Variants in PFDN2 observed in about 807,000 individuals in gnomAD.
PFDN2 encodes prefoldin 2.
In PFDN2, 7 loss-of-function variants were observed where a neutral mutation model predicts 18.3. The ratio of observed to expected loss-of-function variants is 0.38; its 90% CI spans 0.22 to 0.72. The LOEUF is 0.72. Among genes scored for constraint, PFDN2 ranks in the 30% least tolerant of loss-of-function variants. The probability of loss-of-function intolerance (pLI) is 0.47; values close to 1 mark genes in which losing one functional copy is unlikely to be tolerated. For synonymous variants in PFDN2, 76 were observed against 75.0 expected, an observed-to-expected ratio of 1.01 and a Z score of -0.07; for missense variants, 181 against 199.1, an observed-to-expected ratio of 0.91 and a Z score of 0.55.
At chr1:161,105,062 TA>T (rs1011310529) in intron 1 of PFDN2, among the ~76,000 whole-genome samples, 9 of 151,724 alleles carry the variant, frequency 5.9e-5, no homozygotes, top group South Asian at 2.1e-4. Context: ...TAATTCCATC[TA>T]AAAAAAAATT....
chr1:161,115,888 G>A (rs547522436), intron 1 of PFDN2, among the ~76,000 whole-genome samples: 1 of 152,064 alleles, frequency 6.6e-6, no homozygotes, highest in Non-Finnish European at 1.5e-5. Flanking sequence ...TATCTGTATC[G>A]CTGTACCCAG....
chr1:161,117,230 T>C (rs1654974136), intron 1 of PFDN2, among the ~76,000 whole-genome samples: 1 of 152,136 alleles, frequency 6.6e-6, no homozygotes, highest in Non-Finnish European at 1.5e-5. Context: ...AGAGCGAGAC[T>C]CCGTCTCAAA....
chr1:161,103,432 G>A (rs1654612632), intron 1 of PFDN2, among the ~76,000 whole-genome samples: 1 of 151,290 alleles, frequency 6.6e-6, no homozygotes. Flanking sequence ...GCTCACGCCT[G>A]TAATCGCAGC....
chr1:161,117,990 C>G lies in PFDN2; in HGVS notation c.37G>C (p.Gly13Arg), dbSNP rs142691653. The change falls in exon 1 of 4, where the codon GGG (glycine) becomes CGG (arginine). Residue 13 changes from glycine to arginine, a missense_variant. Gly to Arg is a moderately radical substitution (Grantham distance 125). Transcript: ENST00000368010. ...ENSGRAGKSS[G>R]SGAGKGAVSA... ...ACCGCCCCCTTCCCCGCGCCGCTCC[C>G]GCTGCTCTTGCCGGCGCGACCGCTG... 1 of 1,612,830 alleles carries G rather than the reference C, an allele frequency of 6.2e-7. No individual in the cohort carries two copies. The highest frequency in any genetic ancestry group is 8.5e-7 in the Non-Finnish European group (1 of 1,179,560).
chr1:161,101,876 C>T (rs7550629), intron 3 of PFDN2, among the ~76,000 whole-genome samples, 172 bp downstream of exon 3: 101 of 152,168 alleles, frequency 6.6e-4, no homozygotes, highest in Non-Finnish European at 1.3e-3. Context: ...GGACTACAGG[C>T]ACATACCACC....
chr1:161,104,081 G>C (rs1270757247), intron 1 of PFDN2, among the ~76,000 whole-genome samples: 2 of 152,220 alleles, frequency 1.3e-5, no homozygotes, highest in Admixed American at 6.5e-5. Flanking sequence ...TAATTCTAAT[G>C]TGTAGTGTGA....
At position 161,100,831 on chromosome 1, in the gene PFDN2, T is replaced by G; in HGVS notation, c.317A>C (p.Gln106Pro). The G allele has an allele frequency of 6.2e-7, 1 of 1,613,890 alleles. No homozygotes were observed. Among genetic ancestry groups the G allele is most frequent in the Non-Finnish European group, 8.5e-7 (1 of 1,179,768 alleles). ...TTCTTTTCCCTTTGCCTGAAGCTGC[T>G]GTGTCAGTGTCTCAATGATCTTCTG... ...QIQKIIETLT[Q>P]QLQAKGKELN... is the part of the protein sequence containing the mutation. The change falls in exon 4 of 4, where the codon CAG becomes CCG. Residue 106 changes from glutamine (Q) to proline (P), a missense_variant. Physicochemically the swap from Gln to Pro is moderately conservative, Grantham distance 76 (BLOSUM62 -1). Transcript: ENST00000368010.
chr1:161,100,909 C>T (rs778234305), intron 3 of PFDN2, 50 bp from the exon 4 acceptor site: 2 of 1,398,894 alleles, frequency 1.4e-6, no homozygotes, highest in Non-Finnish European at 2.0e-6. Flanking sequence ...ACTCCTTTCC[C>T]CCACCTGGAA....
At chr1:161,100,941 GTTAACACAT>G in intron 3 of PFDN2, 82 bp from the exon 4 acceptor site, 1 of 1,032,406 alleles carries the variant, frequency 9.7e-7, no homozygotes, top group Non-Finnish European at 1.5e-6. Context: ...TGGAGGAAGT[GTTAACACAT>G]TTAACCTTAC....
intron 3 of PFDN2, among the ~76,000 whole-genome samples, chr1:161,101,084 C>T (rs1654547810): frequency 6.6e-6 from 1 of 152,190 alleles, no homozygotes; most frequent in Non-Finnish European, 1.5e-5. Context: ...GAGACAAGTT[C>T]CTACTATGTT....
chr1:161,100,866 G>A lies in PFDN2; in HGVS notation c.289-7C>T, dbSNP rs767304589. ...TCTCAATGATCTTCTGTATCTAGAG[G>A]ACAAGTGACAGGGATTATATAAGGA... is the stretch of plus-strand genomic sequence containing the variant. On this transcript the variant is annotated splice_region_variant and splice_polypyrimidine_tract_variant and intron_variant, in intron 3 of 3. Coordinates refer to ENST00000368010, the MANE Select transcript of PFDN2 (RefSeq NM_012394.4). 1.0e-5 allele frequency: 16 copies of A among 1,605,848 alleles called. No homozygotes were observed. The highest frequency in any genetic ancestry group is 1.4e-5 in the Non-Finnish European group (16 of 1,173,210).
chr1:161,103,173 A>G (rs927532630), intron 1 of PFDN2, among the ~76,000 whole-genome samples: 4 of 152,094 alleles, frequency 2.6e-5, no homozygotes, highest in Non-Finnish European at 4.4e-5. Flanking sequence ...GCAGTGACCT[A>G]TGGAATCTCT....
chr1:161,102,102 C>T lies in PFDN2; in HGVS notation c.234G>A (p.Leu78=), dbSNP rs1193010998. 26 of 1,614,212 alleles carry T rather than the reference C, an allele frequency of 1.6e-5. No homozygotes were observed. Among genetic ancestry groups the T allele is most frequent in the Non-Finnish European group, 2.2e-5 (26 of 1,180,034 alleles). The change falls in exon 3 of 4, where the codon CTG becomes CTA. Residue 78 remains leucine, a synonymous_variant. Transcript: ENST00000368010. ...RKCYRMVGGV[L]VERTVKEVLP... is the part of the protein sequence containing the mutation. ...GCACCTCTTTGACAGTTCGCTCCAC[C>T]AGCACTCCTCCAACCATGCGGTAGC...
At chr1:161,115,597 C>G (rs1654898168) in intron 1 of PFDN2, among the ~76,000 whole-genome samples, 1 of 152,180 alleles carries the variant, frequency 6.6e-6, no homozygotes, top group Non-Finnish European at 1.5e-5. Context: ...GGCTATATCA[C>G]AATGCTGTCA....
chr1:161,102,349 C>T lies in PFDN2; in HGVS notation c.102G>A (p.Arg34=), dbSNP rs1654585264. 6.2e-7 allele frequency: 1 copy of T among 1,614,142 alleles called. No homozygotes were observed. Among genetic ancestry groups the T allele is most frequent in the Admixed American group, 1.7e-5 (1 of 60,016 alleles). The change falls in exon 2 of 4, where the codon CGG becomes CGA. Residue 34 remains arginine (R), a synonymous_variant. Coordinates refer to ENST00000368010, the MANE Select transcript of PFDN2 (RefSeq NM_012394.4). ...EQVIAGFNRL[R]QEQRGLASKA... Reference sequence around the variant, plus strand: ...TGGATGCCAGGCCTCGCTGTTCCTGCCGAAGGCGGTTGAAGCCAGCAATCA... The same window carrying T: ...TGGATGCCAGGCCTCGCTGTTCCTGTCGAAGGCGGTTGAAGCCAGCAATCA...
intron 1 of PFDN2, among the ~76,000 whole-genome samples, chr1:161,117,155 T>A (rs1169475200): frequency 6.6e-6 from 1 of 152,098 alleles, no homozygotes; most frequent in Admixed American, 6.5e-5. Flanking sequence ...ATAGCTTGAA[T>A]GAACCACGAG....
chr1:161,108,646 G>A (rs1256899953), intron 1 of PFDN2, among the ~76,000 whole-genome samples: 1 of 151,738 alleles, frequency 6.6e-6, no homozygotes, highest in African/African-American at 2.4e-5. Context: ...TTCTTGAATC[G>A]TATTCCAAAG....
At chr1:161,104,441 CTTTT>C (rs1654638687) in intron 1 of PFDN2, among the ~76,000 whole-genome samples, 1 of 150,012 alleles carries the variant, frequency 6.7e-6, no homozygotes, top group African/African-American at 2.4e-5. Flanking sequence ...TTTTCTTTTT[CTTTT>C]TCTTTTTTTT....
At chr1:161,117,233 G>A (rs1353015035) in intron 1 of PFDN2, among the ~76,000 whole-genome samples, 2 of 151,926 alleles carry the variant, frequency 1.3e-5, no homozygotes, top group Admixed American at 1.3e-4. Context: ...GCGAGACTCC[G>A]TCTCAAAAAA....
Sources: gnomAD v4.1 joint callset for allele counts (sites outside exome capture counted in the v4.1 genomes callset) on GRCh38, gnomAD v4.1.1 for gene constraint, MANE v1.5 for transcripts, NCBI Gene and HGNC (gene_info 2026-07-23, HGNC 2026-07-21) for gene names.